RBMS1: variants seen among roughly 807,000 people sequenced by gnomAD.
The protein encoded by RBMS1 is RNA-binding motif, single-stranded-interacting protein 1.
In RBMS1, 17 loss-of-function variants were observed where a neutral mutation model predicts 62.3. The observed-to-expected ratio is 0.27, with a 90% CI of 0.19 to 0.41. RBMS1 has a LOEUF of 0.41. RBMS1 is among the 10% of genes least tolerant of loss of function. The pLI is 1.00. For synonymous variants in RBMS1, 172 were observed against 170.0 expected, an observed-to-expected ratio of 1.01 and a Z score of -0.09; for missense variants, 334 against 504.5, an observed-to-expected ratio of 0.66 and a Z score of 3.24.
chr2:160,460,080 C>T (rs1166525636), intron 1 of RBMS1, among the ~76,000 whole-genome samples: 1 of 152,128 alleles, frequency 6.6e-6, no homozygotes, highest in Admixed American at 6.5e-5. Flanking sequence ...GCAGATGCTC[C>T]CTGAAGCAGG....
intron 5 of RBMS1, among the ~76,000 whole-genome samples, chr2:160,302,203 CT>C (rs767307018): frequency 5.0e-3 from 707 of 141,756 alleles, no homozygotes; most frequent in Non-Finnish European, 5.1e-3. Context: ...GACTTTTAGA[CT>C]TTTTTTTTTT....
intron 1 of RBMS1, among the ~76,000 whole-genome samples, chr2:160,435,687 A>T (rs1559547042): frequency 6.6e-6 from 1 of 152,232 alleles, no homozygotes; most frequent in South Asian, 2.1e-4. Flanking sequence ...AAAGAAACCT[A>T]TACTCCTCAC....
intron 1 of RBMS1, among the ~76,000 whole-genome samples, chr2:160,478,261 GTCACACACACTTATGGGAAGAAAAGTT>G (rs1284429820): frequency 1.1e-4 from 17 of 152,280 alleles, no homozygotes; most frequent in African/African-American, 4.1e-4. Context: ...ACCAGTTATG[GTCACACACACTTATGGGAAGAAAAGTT>G]TTGAACCAAC....
intron 13 of RBMS1, among the ~76,000 whole-genome samples, chr2:160,275,188 T>C (rs1379145578): frequency 3.9e-5 from 6 of 152,212 alleles, no homozygotes; most frequent in Non-Finnish European, 8.8e-5. Flanking sequence ...GTTGGGAATA[T>C]AATCTTTCAA....
chr2:160,276,059 C>A (rs944771965), intron 12 of RBMS1, among the ~76,000 whole-genome samples: 4 of 152,136 alleles, frequency 2.6e-5, no homozygotes, highest in Admixed American at 1.3e-4. Flanking sequence ...TGCTGTATAT[C>A]ATTTAATGCC....
chr2:160,397,270 C>CT (rs1185696917), intron 1 of RBMS1, among the ~76,000 whole-genome samples: 4 of 151,984 alleles, frequency 2.6e-5, no homozygotes, highest in African/African-American at 7.3e-5. Context: ...AAAATCCCAT[C>CT]TTTTTTATTT....
chr2:160,357,994 G>GTACATAAAGTATTACTTAAAGTGCCA (rs1692899500), intron 2 of RBMS1, among the ~76,000 whole-genome samples: 1 of 152,128 alleles, frequency 6.6e-6, no homozygotes, highest in African/African-American at 2.4e-5. Context: ...AAGAAGTACT[G>GTACATAAAGTATTACTTAAAGTGCCA]TACATAAAGT....
chr2:160,464,723 A>G (rs1037633405), intron 1 of RBMS1, among the ~76,000 whole-genome samples: 1 of 152,212 alleles, frequency 6.6e-6, no homozygotes, highest in Non-Finnish European at 1.5e-5. Flanking sequence ...TCTTGAGTTC[A>G]TTCAATTGCC....
intron 6 of RBMS1, among the ~76,000 whole-genome samples, chr2:160,296,324 G>A (rs1028206035): frequency 3.9e-5 from 6 of 152,116 alleles, no homozygotes; most frequent in African/African-American, 1.4e-4. Flanking sequence ...ATTTGTGTAT[G>A]TAAGCAGTTC....
intron 1 of RBMS1, among the ~76,000 whole-genome samples, chr2:160,484,242 T>C (rs1326252866): frequency 3.9e-5 from 6 of 151,912 alleles, no homozygotes; most frequent in Non-Finnish European, 5.9e-5. Context: ...ATGCCTGTAA[T>C]CCCAGCACTT....
chr2:160,317,571 C>G (rs950882531), intron 3 of RBMS1, among the ~76,000 whole-genome samples: 3 of 152,120 alleles, frequency 2.0e-5, no homozygotes, highest in African/African-American at 7.2e-5. Context: ...AACTGAAGGT[C>G]AGTGCATCAA....
rs1319998886 is a variant in RBMS1 at position 160,273,497 on chromosome 2, T to C, written c.*1275A>G. ...CCAAGTCATTTTTATTTTTCAAATT[T>C]ACCTAATAGAGAGAGAGAGAGAGAG... On this transcript the variant is annotated 3_prime_UTR_variant, in exon 14 of 14. Transcript: ENST00000348849. The C allele has an allele frequency of 6.6e-6, 1 of 152,196 alleles. No homozygotes were observed. The highest frequency in any genetic ancestry group is 1.5e-5 in the Non-Finnish European group (1 of 68,022). 9.4% of individuals were successfully genotyped at this position (152,196 alleles called of 1,614,324 possible). A position where few individuals can be genotyped will look rare whatever the true frequency, so the allele number is the denominator to read the frequency against.
chr2:160,320,051 A>G (rs1419599663), intron 2 of RBMS1, among the ~76,000 whole-genome samples: 1 of 152,214 alleles, frequency 6.6e-6, no homozygotes, highest in East Asian at 1.9e-4. Context: ...AAATCTACAA[A>G]TGAGAAAAAA....
At chr2:160,457,788 G>T (rs888985025) in intron 1 of RBMS1, among the ~76,000 whole-genome samples, 1 of 151,954 alleles carries the variant, frequency 6.6e-6, no homozygotes, top group Non-Finnish European at 1.5e-5. Flanking sequence ...CAGCTTGAAA[G>T]TCGCACTTTC....
At position 160,355,079 on chromosome 2, in the gene RBMS1, T is replaced by C. The variant is rs1323700250; in HGVS notation, c.251+12137A>G. Among the ~76,000 whole-genome samples, 11 of 152,258 alleles carry C rather than the reference T, an allele frequency of 7.2e-5. No individual in the cohort carries two copies. In the South Asian group the frequency reaches 1.9e-3, roughly 26 times the overall value. Reference sequence around the variant, plus strand: ...ATCAAGGGAGTTGCAAACACTTTATTAAATAAAAAACAACTTTTCAAATAA... The same window carrying C: ...ATCAAGGGAGTTGCAAACACTTTATCAAATAAAAAACAACTTTTCAAATAA... On this transcript the variant is annotated intron_variant, in intron 2 of 13. Transcript: ENST00000348849.
intron 2 of RBMS1, among the ~76,000 whole-genome samples, chr2:160,338,243 T>C (rs1691684142): frequency 6.6e-6 from 1 of 152,142 alleles, no homozygotes; most frequent in African/African-American, 2.4e-5. Context: ...ATTTAAAGCC[T>C]AGGGCAGTTC....
intron 2 of RBMS1, among the ~76,000 whole-genome samples, chr2:160,321,202 G>A (rs1029863125): frequency 2.6e-5 from 4 of 152,150 alleles, no homozygotes; most frequent in Admixed American, 6.5e-5. Flanking sequence ...TGCAAGCCAT[G>A]CCACACCCTC....
At chr2:160,411,610 T>G (rs1696039523) in intron 1 of RBMS1, among the ~76,000 whole-genome samples, 1 of 152,214 alleles carries the variant, frequency 6.6e-6, no homozygotes. Flanking sequence ...GGTCCATATT[T>G]CAGCTTCCCA....
chr2:160,307,048 C>A (rs9917155), intron 4 of RBMS1, among the ~76,000 whole-genome samples: 83,309 of 151,864 alleles, frequency 0.55, 23,419 homozygotes, highest in Admixed American at 0.66. Context: ...CATTGGCCGT[C>A]AGAGTGATAA....
Sources: allele counts gnomAD v4.1 joint callset (sites outside exome capture counted in the v4.1 genomes callset), GRCh38; gene constraint gnomAD v4.1.1; transcripts MANE v1.5; gene names NCBI Gene and HGNC (gene_info 2026-07-23, HGNC 2026-07-21).